Variants in CLYBL observed in about 807,000 individuals in gnomAD.
The protein encoded by CLYBL is citramalyl-CoA lyase, mitochondrial.
Under a neutral mutation model 38.9 loss-of-function variants are expected in CLYBL, and 31 were observed. The ratio of observed to expected loss-of-function variants is 0.80; its 90% CI spans 0.60 to 1.08. The LOEUF is 1.08. Among genes scored for constraint, CLYBL ranks in the 50% least tolerant of loss-of-function variants. CLYBL has a pLI of 0.00. For synonymous variants in CLYBL, 171 were observed against 158.6 expected (o/e 1.08, Z -0.59); for missense variants, 434 against 411.6 (o/e 1.05, Z -0.47).
intron 2 of CLYBL, among the ~76,000 whole-genome samples, chr13:99,773,625 A>G (rs147634533): frequency 1.9e-4 from 29 of 152,280 alleles, no homozygotes; most frequent in African/African-American, 6.7e-4. Flanking sequence ...ATTACCCTCC[A>G]CAAAACAGGT....
chr13:99,770,379 G>C (rs554198678), intron 1 of CLYBL, among the ~76,000 whole-genome samples: 37 of 151,968 alleles, frequency 2.4e-4, no homozygotes, highest in African/African-American at 8.9e-4. Context: ...GTACAGTGGC[G>C]CAATCTTGGC....
intron 2 of CLYBL, among the ~76,000 whole-genome samples, chr13:99,856,247 C>A (rs1341570186): frequency 2.6e-5 from 4 of 152,118 alleles, no homozygotes; most frequent in Non-Finnish European, 5.9e-5. Flanking sequence ...CAAGTGAAAC[C>A]AAACAGCTTC....
intron 2 of CLYBL, among the ~76,000 whole-genome samples, chr13:99,798,967 G>C (rs1214365728): frequency 6.6e-6 from 1 of 152,176 alleles, no homozygotes; most frequent in African/African-American, 2.4e-5. Context: ...GGGACTCTTC[G>C]TGGATTAGCA....
chr13:99,895,104 G>A (rs959368935), downstream of CLYBL: 3 of 152,092 alleles, frequency 2.0e-5, no homozygotes, highest in Admixed American at 1.3e-4. Flanking sequence ...AAACCATGTC[G>A]TTTTCCCCCG....
intron 1 of CLYBL, among the ~76,000 whole-genome samples, chr13:99,758,497 G>C (rs2049106736): frequency 1.3e-5 from 2 of 152,174 alleles, no homozygotes; most frequent in African/African-American, 4.8e-5. Context: ...GTTCCATCTT[G>C]TCACCTGCTG....
downstream of CLYBL, among the ~76,000 whole-genome samples, chr13:99,897,417 A>G (rs1218240264): frequency 6.6e-6 from 1 of 152,166 alleles, no homozygotes; most frequent in African/African-American, 2.4e-5. Flanking sequence ...CTCCCATACA[A>G]GCTCTTGTTC....
At chr13:99,666,433 C>T (rs759305316) in intron 1 of CLYBL, among the ~76,000 whole-genome samples, 2 of 152,172 alleles carry the variant, frequency 1.3e-5, no homozygotes, top group African/African-American at 2.4e-5. Flanking sequence ...TGATAAGCCT[C>T]TGGGATGGCT....
At chr13:99,717,059 G>A (rs2048327816) in intron 1 of CLYBL, among the ~76,000 whole-genome samples, 1 of 151,886 alleles carries the variant, frequency 6.6e-6, no homozygotes, top group East Asian at 1.9e-4. Flanking sequence ...GCAAAGAGCT[G>A]GGATTACAGG....
intron 6 of CLYBL, among the ~76,000 whole-genome samples, chr13:99,866,772 TCTC>T (rs1331143326): frequency 1.3e-5 from 2 of 152,010 alleles, no homozygotes; most frequent in African/African-American, 4.8e-5. Flanking sequence ...AGAAGAAAAA[TCTC>T]CTAGAATATC....
At chr13:99,666,660 G>T (rs1282191595) in intron 1 of CLYBL, among the ~76,000 whole-genome samples, 1 of 152,094 alleles carries the variant, frequency 6.6e-6, no homozygotes, top group Non-Finnish European at 1.5e-5. Flanking sequence ...TCCTGCTGGG[G>T]TAAGAAAGGG....
intron 1 of CLYBL, among the ~76,000 whole-genome samples, chr13:99,765,824 C>A (rs1377717744): frequency 6.6e-6 from 1 of 151,208 alleles, no homozygotes; most frequent in East Asian, 1.9e-4. Context: ...GGATTACAGG[C>A]ATGAGCCACT....
chr13:99,682,093 T>A (rs1455934624), intron 1 of CLYBL, among the ~76,000 whole-genome samples: 1 of 152,194 alleles, frequency 6.6e-6, no homozygotes, highest in Non-Finnish European at 1.5e-5. Flanking sequence ...ACACAACATG[T>A]AGCTACTGAA....
intron 1 of CLYBL, among the ~76,000 whole-genome samples, chr13:99,684,270 C>G (rs2047785764): frequency 6.9e-6 from 1 of 145,828 alleles, no homozygotes; most frequent in South Asian, 2.1e-4. Flanking sequence ...ACCTCTGTCT[C>G]TCAGGTTTGA....
intron 1 of CLYBL, among the ~76,000 whole-genome samples, chr13:99,762,698 A>G (rs1355174635): frequency 6.6e-6 from 1 of 152,158 alleles, no homozygotes; most frequent in Non-Finnish European, 1.5e-5. Flanking sequence ...TTCCTTTTCT[A>G]TGAAGAATAT....
intron 1 of CLYBL, among the ~76,000 whole-genome samples, chr13:99,661,415 C>G (rs550665695): frequency 1.3e-5 from 2 of 151,880 alleles, no homozygotes; most frequent in African/African-American, 4.8e-5. Flanking sequence ...AAACTGAGAT[C>G]AAAACATTTT....
At chr13:99,829,557 G>A (rs1042529127) in intron 2 of CLYBL, among the ~76,000 whole-genome samples, 1 of 152,170 alleles carries the variant, frequency 6.6e-6, no homozygotes, top group African/African-American at 2.4e-5. Context: ...TGTCATTACT[G>A]ATCTTGGGTT....
chr13:99,889,045 A>G (rs1824509825), intron 7 of CLYBL, among the ~76,000 whole-genome samples: 1 of 152,236 alleles, frequency 6.6e-6, no homozygotes. Flanking sequence ...AAGCTTCATT[A>G]AAGAAAATCA....
intron 1 of CLYBL, among the ~76,000 whole-genome samples, chr13:99,770,329 G>GT (rs911869064): frequency 6.7e-6 from 1 of 149,564 alleles, no homozygotes; most frequent in Non-Finnish European, 1.5e-5. Context: ...TTGTTTGTTT[G>GT]TTTTTTGAGA....
At chr13:99,809,337 G>A (rs1276060098) in intron 2 of CLYBL, among the ~76,000 whole-genome samples, 1 of 152,186 alleles carries the variant, frequency 6.6e-6, no homozygotes, top group Non-Finnish European at 1.5e-5. Flanking sequence ...TTACTTCTGG[G>A]AGCCTCCCTT....
Sources: allele counts gnomAD v4.1 joint callset (sites outside exome capture counted in the v4.1 genomes callset), GRCh38; gene constraint gnomAD v4.1.1; transcripts MANE v1.5; gene names NCBI Gene and HGNC (gene_info 2026-07-23, HGNC 2026-07-21).